Variants in HMOX2 observed in about 807,000 individuals in gnomAD.
HMOX2 encodes the protein heme oxygenase (decycling) 2.
In HMOX2, 30 loss-of-function variants were observed where a neutral mutation model predicts 33.7. That is an observed-to-expected ratio of 0.89 (90% CI 0.67 to 1.21). HMOX2 has a LOEUF of 1.21. Among genes scored for constraint, HMOX2 ranks in the 50% most tolerant of loss-of-function variants. The probability of loss-of-function intolerance (pLI) is 0.00; values close to 1 mark genes in which losing one functional copy is unlikely to be tolerated. For synonymous variants in HMOX2, 155 were observed against 155.0 expected (o/e 1.00, Z 0.00); for missense variants, 403 against 399.1 (o/e 1.01, Z -0.08).
At chr16:4,489,860 C>T (rs7195782) in intron 1 of HMOX2, among the ~76,000 whole-genome samples, 17,540 of 152,262 alleles carry the variant, frequency 0.12, 2,121 homozygotes, top group African/African-American at 0.3. Flanking sequence ...ATCCTCCTGC[C>T]TCAGCCTCCC....
At chr16:4,479,328 A>G (rs2057954454) in intron 1 of HMOX2, 1 of 152,124 alleles carries the variant, frequency 6.6e-6, no homozygotes, top group Non-Finnish European at 1.5e-5. Flanking sequence ...TTTTGGTAAA[A>G]TTGGGATTAT....
At chr16:4,484,906 GA>G (rs1326145946) in intron 1 of HMOX2, among the ~76,000 whole-genome samples, 1 of 150,664 alleles carries the variant, frequency 6.6e-6, no homozygotes, top group African/African-American at 2.4e-5. Context: ...ATCATGACAA[GA>G]AAAAAAATCT....
intron 1 of HMOX2, among the ~76,000 whole-genome samples, chr16:4,489,905 C>A (rs1329957827): frequency 2.0e-5 from 3 of 152,222 alleles, no homozygotes; most frequent in Non-Finnish European, 4.4e-5. Flanking sequence ...GCCACCGCGC[C>A]CAGCCCATTA....
intron 1 of HMOX2, among the ~76,000 whole-genome samples, chr16:4,487,813 C>T (rs1462976512): frequency 6.7e-6 from 1 of 148,870 alleles, no homozygotes; most frequent in Non-Finnish European, 1.5e-5. Flanking sequence ...TAGCCGGGCG[C>T]GGTGGCATAT....
intron 1 of HMOX2, among the ~76,000 whole-genome samples, chr16:4,488,895 G>A (rs1041445285): frequency 1.3e-5 from 2 of 151,036 alleles, no homozygotes; most frequent in Non-Finnish European, 2.9e-5. Flanking sequence ...TGTGTTTTTG[G>A]CTCAGTACAA....
At chr16:4,487,691 T>C (rs2058204893) in intron 1 of HMOX2, among the ~76,000 whole-genome samples, 1 of 151,796 alleles carries the variant, frequency 6.6e-6, no homozygotes, top group East Asian at 1.9e-4. Flanking sequence ...TCCCAGCTCC[T>C]TGGGAGGCTG....
At chr16:4,476,246 C>G (rs1401957527), upstream of HMOX2, 2 of 152,336 alleles carry the variant, frequency 1.3e-5, no homozygotes, top group East Asian at 3.8e-4. Flanking sequence ...CCCCGCTGAG[C>G]AGAGCCTGAG....
chr16:4,503,467 T>C (rs955755170), intron 1 of HMOX2, among the ~76,000 whole-genome samples: 1 of 152,196 alleles, frequency 6.6e-6, no homozygotes, highest in African/African-American at 2.4e-5. Context: ...TATTGCAGAG[T>C]AGAGTGTCTC....
chr16:4,504,354 A>ATT (rs34314976), intron 1 of HMOX2, among the ~76,000 whole-genome samples: 75 of 72,826 alleles, frequency 1.0e-3, no homozygotes, highest in Admixed American at 2.3e-3. Flanking sequence ...GTAACTTTCA[A>ATT]TTTTTTTTTT....
At chr16:4,505,660 C>T (rs188824172) in intron 2 of HMOX2, 50 bp downstream of exon 2, 45 of 1,296,524 alleles carry the variant, frequency 3.5e-5, no homozygotes, top group Admixed American at 6.0e-5. Context: ...CAGCACCTGT[C>T]GTGCTCAGCA....
chr16:4,499,666 A>T (rs2141585966), intron 1 of HMOX2, among the ~76,000 whole-genome samples: 1 of 152,318 alleles, frequency 6.6e-6, no homozygotes, highest in East Asian at 1.9e-4. Flanking sequence ...AAAAGAGTGG[A>T]TTTTAAAAGT....
At chr16:4,481,227 T>G (rs2058021690) in intron 1 of HMOX2, among the ~76,000 whole-genome samples, 1 of 151,226 alleles carries the variant, frequency 6.6e-6, no homozygotes, top group Admixed American at 6.6e-5. Flanking sequence ...CGGGCGCCTG[T>G]AGTCCCGGCT....
intron 1 of HMOX2, among the ~76,000 whole-genome samples, chr16:4,499,295 G>A (rs1412661786): frequency 6.6e-6 from 1 of 152,196 alleles, no homozygotes; most frequent in Non-Finnish European, 1.5e-5. Context: ...TTAAAAGCTG[G>A]TATTTATGCA....
rs1223918681 is a variant in HMOX2 at position 4,507,932 on chromosome 16, G to C, written c.424G>C (p.Gly142Arg). 3.7e-6 allele frequency: 6 copies of C among 1,613,914 alleles called. No homozygotes were observed. The highest frequency in any genetic ancestry group is 5.1e-6 in the Non-Finnish European group (6 of 1,179,998). Residue 142 changes from glycine (G) to arginine (R), a missense_variant, in exon 4 of 6, where the codon GGG becomes CGG. Gly to Arg is a moderately radical substitution (Grantham distance 125). Coordinates refer to ENST00000570646, the MANE Select transcript of HMOX2 (RefSeq NM_002134.4). ...GTACGTGGAGCGGATCCACTACATA[G>C]GGCAGAACGAGCCGGAGCTACTGGT... ...QKYVERIHYIGQNEPELLVAH... is the reference protein window; with the variant it reads ...QKYVERIHYIRQNEPELLVAH...
At chr16:4,477,101 C>T (rs141821485) in intron 1 of HMOX2, among the ~76,000 whole-genome samples, 1 of 152,214 alleles carries the variant, frequency 6.6e-6, no homozygotes, top group East Asian at 1.9e-4. Context: ...GCGGGTTTAC[C>T]TATTACTTTC....
chr16:4,491,258 C>T (rs1272655978), intron 1 of HMOX2, among the ~76,000 whole-genome samples: 2 of 152,150 alleles, frequency 1.3e-5, no homozygotes. Flanking sequence ...TCCTGATTCT[C>T]GGTTACTGGA....
rs182557821 is a variant in HMOX2 at position 4,480,545 on chromosome 16, A to C, written c.-42+4058A>C. ...TTTTTAGTAGAGACGGGGTTTCACCATGCTGGCCAGGCTGGTCTCAAACTC... is the reference window on the plus strand; with the variant it reads ...TTTTTAGTAGAGACGGGGTTTCACCCTGCTGGCCAGGCTGGTCTCAAACTC... On this transcript the variant is annotated intron_variant, in intron 1 of 5. Coordinates refer to ENST00000570646, the MANE Select transcript of HMOX2 (RefSeq NM_002134.4). 2.0e-3 allele frequency among the ~76,000 whole-genome samples: 311 copies of C among 151,922 alleles called. 4 individuals carry two copies. Among genetic ancestry groups the C allele is most frequent in the African/African-American group, 7.3e-3 (302 of 41,440 alleles).
At chr16:4,506,799 T>TCA in intron 2 of HMOX2, 96 bp from the exon 3 acceptor site, 1 of 840,238 alleles carries the variant, frequency 1.2e-6, no homozygotes, top group Non-Finnish European at 2.0e-6. Context: ...CAACAGGTGG[T>TCA]CACCTTGGGG....
Position 4,485,544 on chromosome 16 carries a change from A to G in HMOX2, c.-42+9057A>G, listed in dbSNP as rs1049344236. ...GTGGAGAAATGGAGAAAATGGGAGA[A>G]CTTGTACTGAACCCATTAGGACAGA... On this transcript the variant is annotated intron_variant, in intron 1 of 5. Coordinates refer to ENST00000570646, the MANE Select transcript of HMOX2 (RefSeq NM_002134.4). Among the ~76,000 whole-genome samples the G allele has an allele frequency of 5.9e-5, 9 of 152,104 alleles. No homozygotes were observed. The East Asian group carries it at 1.3e-3, about 23-fold the overall frequency.
Sources: gnomAD v4.1 joint callset for allele counts (sites outside exome capture counted in the v4.1 genomes callset) on GRCh38, gnomAD v4.1.1 for gene constraint, MANE v1.5 for transcripts, NCBI Gene and HGNC (gene_info 2026-07-23, HGNC 2026-07-21) for gene names.